SIPA1L2: variants seen among roughly 807,000 people sequenced by gnomAD.
SIPA1L2 encodes signal induced proliferation associated 1 like 2.
In SIPA1L2, 56 loss-of-function variants were observed where a neutral mutation model predicts 163.9. The ratio of observed to expected loss-of-function variants is 0.34; its 90% CI spans 0.28 to 0.43. The LOEUF is 0.43. Among genes scored for constraint, SIPA1L2 ranks in the 20% least tolerant of loss-of-function variants. SIPA1L2 has a pLI of 1.00. For missense variants in SIPA1L2, 1,974 were observed against 2,193.5 expected, an observed-to-expected ratio of 0.90 and a Z score of 2.00; for synonymous variants, 877 against 865.7, an observed-to-expected ratio of 1.01 and a Z score of -0.23.
At chr1:232,585,301 G>T (rs1660598295) in intron 1 of SIPA1L2, among the ~76,000 whole-genome samples, 1 of 152,098 alleles carries the variant, frequency 6.6e-6, no homozygotes, top group Non-Finnish European at 1.5e-5. Context: ...ATACTCTTCT[G>T]GAGGCTTACT....
intron 17 of SIPA1L2, among the ~76,000 whole-genome samples, chr1:232,426,838 C>G (rs1381338298): frequency 1.3e-5 from 2 of 152,106 alleles, no homozygotes; most frequent in African/African-American, 4.8e-5. Context: ...AAAGTTAAAT[C>G]AAATCTGAAT....
At chr1:232,520,959 A>G (rs1200075733) in intron 2 of SIPA1L2, among the ~76,000 whole-genome samples, 1 of 152,248 alleles carries the variant, frequency 6.6e-6, no homozygotes, top group East Asian at 1.9e-4. Flanking sequence ...TACGAAAATC[A>G]AAGCTATAAG....
chr1:232,579,730 T>G (rs1573116536), intron 1 of SIPA1L2, among the ~76,000 whole-genome samples: 1 of 152,212 alleles, frequency 6.6e-6, no homozygotes, highest in East Asian at 1.9e-4. Context: ...GAAAACTTCC[T>G]CTTCACTCTC....
At chr1:232,626,146 T>G (rs1663065699) in intron 1 of SIPA1L2, among the ~76,000 whole-genome samples, 1 of 152,066 alleles carries the variant, frequency 6.6e-6, no homozygotes, top group East Asian at 1.9e-4. Context: ...GCATTGACAA[T>G]AGGTAGTAAC....
rs571526497 is a variant in SIPA1L2 at position 232,425,052 on chromosome 1, G to A, written c.4630+537C>T. Reference sequence around the variant, plus strand: ...CTGTGACTAGTAAGTTGAAATAAGCGGGGACACAAGAGAACACACGTCATC... The same window carrying A: ...CTGTGACTAGTAAGTTGAAATAAGCAGGGACACAAGAGAACACACGTCATC... On this transcript the variant is annotated intron_variant, in intron 18 of 22. Transcript: ENST00000674635. 7.9e-5 allele frequency among the ~76,000 whole-genome samples: 12 copies of A among 152,206 alleles called. 1 individual carries two copies. Among genetic ancestry groups the A allele is most frequent in the South Asian group, 2.1e-4 (1 of 4,824 alleles).
At chr1:232,568,807 G>T (rs1027005195) in intron 2 of SIPA1L2, among the ~76,000 whole-genome samples, 1 of 152,148 alleles carries the variant, frequency 6.6e-6, no homozygotes, top group Non-Finnish European at 1.5e-5. Flanking sequence ...CCACCCAAAC[G>T]TGTGTATTGA....
upstream of SIPA1L2, among the ~76,000 whole-genome samples, chr1:232,630,486 C>A (rs1454259046): frequency 6.6e-6 from 1 of 152,218 alleles, no homozygotes; most frequent in Non-Finnish European, 1.5e-5. Flanking sequence ...GCTTTCGCCC[C>A]TCTGAGGAAT....
At position 232,439,153 on chromosome 1, in the gene SIPA1L2, G is replaced by A. The variant is rs769038541; in HGVS notation, c.3986C>T (p.Ala1329Val). ...ACTGAGATCGCCCATGCTGCCTTCC[G>A]CAGCACTGCCGGCGGAGATGGTGGA... ...YASTISAGSA[A>V]EGSMGDLSEI... The change falls in exon 15 of 23, where the codon GCG becomes GTG. Residue 1329 changes from alanine to valine, a missense_variant. Transcript: ENST00000674635. 38 of 1,612,860 alleles carry A rather than the reference G, an allele frequency of 2.4e-5. No homozygotes were observed. In the East Asian group the frequency reaches 2.9e-4, roughly 12 times the overall value.
intron 17 of SIPA1L2, among the ~76,000 whole-genome samples, chr1:232,427,340 CTAAT>C (rs1337284430): frequency 6.6e-6 from 1 of 152,214 alleles, no homozygotes; most frequent in Non-Finnish European, 1.5e-5. Flanking sequence ...GCAGTAGTGT[CTAAT>C]TAGAGTGTTG....
intron 1 of SIPA1L2, among the ~76,000 whole-genome samples, chr1:232,583,363 G>T (rs1660485914): frequency 6.6e-6 from 1 of 152,130 alleles, no homozygotes; most frequent in Admixed American, 6.6e-5. Context: ...TTACTAGTTT[G>T]CTTTTACCAT....
intron 19 of SIPA1L2, among the ~76,000 whole-genome samples, chr1:232,415,155 T>A (rs993652537): frequency 1.3e-5 from 2 of 152,254 alleles, no homozygotes; most frequent in African/African-American, 4.8e-5. Context: ...TACCTCAGTA[T>A]GCTATGAGGA....
intron 1 of SIPA1L2, among the ~76,000 whole-genome samples, chr1:232,610,842 A>G (rs181962021): frequency 6.6e-6 from 1 of 152,316 alleles, no homozygotes; most frequent in East Asian, 1.9e-4. Flanking sequence ...GTAGGGCTTT[A>G]ACTCACATTT....
At chr1:232,439,555 ACCCTGAC>A in intron 14 of SIPA1L2, 59 bp from the exon 15 acceptor site, 1 of 1,548,316 alleles carries the variant, frequency 6.5e-7, no homozygotes, top group South Asian at 1.2e-5. Context: ...GGTGCTTCTC[ACCCTGAC>A]TCAGGGAGCT....
At chr1:232,491,331 A>G (rs1572977246) in intron 4 of SIPA1L2, among the ~76,000 whole-genome samples, 1 of 152,288 alleles carries the variant, frequency 6.6e-6, no homozygotes, top group East Asian at 1.9e-4. Context: ...AGGCAGAGCA[A>G]TGCTATGAAA....
At chr1:232,442,797 A>G (rs2102865944) in intron 12 of SIPA1L2, among the ~76,000 whole-genome samples, 1 of 152,386 alleles carries the variant, frequency 6.6e-6, no homozygotes, top group South Asian at 2.1e-4. Flanking sequence ...CTTGGCTTAA[A>G]ATGCAATTTA....
rs117678189 is a variant in SIPA1L2, at chr1:232,471,971, G to T, written c.2086-443C>A. Among the ~76,000 whole-genome samples, 58 of 152,262 alleles carry T rather than the reference G, an allele frequency of 3.8e-4. No homozygotes were observed. In the East Asian group the frequency reaches 6.0e-3, roughly 16 times the overall value. On this transcript the variant is annotated intron_variant, in intron 7 of 22. Coordinates refer to ENST00000674635, the MANE Select transcript of SIPA1L2 (RefSeq NM_020808.5). ...CTGTGCTCCCACAGTAAAGTAACGT[G>T]CATTTCTGCAACAAAAATACAGAAC...
At chr1:232,608,762 C>T (rs991344369) in intron 1 of SIPA1L2, among the ~76,000 whole-genome samples, 9 of 151,982 alleles carry the variant, frequency 5.9e-5, no homozygotes, top group African/African-American at 1.2e-4. Context: ...GGCACATGGG[C>T]GAGAAATACA....
chr1:232,587,429 T>C (rs180829487), intron 1 of SIPA1L2, among the ~76,000 whole-genome samples: 4 of 152,304 alleles, frequency 2.6e-5, no homozygotes, highest in Non-Finnish European at 5.9e-5. Context: ...CTTAAAGTCG[T>C]GGTTCTCAAA....
Position 232,403,800 on chromosome 1 carries a change from G to A in SIPA1L2, c.4817-229C>T, listed in dbSNP as rs551234506. Among the ~76,000 whole-genome samples, 5 of 152,310 alleles carry A rather than the reference G, an allele frequency of 3.3e-5. No individual in the cohort carries two copies. In the South Asian group the frequency reaches 1.0e-3, roughly 32 times the overall value. The stretch of plus-strand genomic sequence containing the variant: ...GGCTGTATGGCCTATGCACATCACA[G>A]CCATGGGGACAATTAGCAGACACTG... On this transcript the variant is annotated intron_variant, in intron 20 of 22. Coordinates refer to ENST00000674635, the MANE Select transcript of SIPA1L2 (RefSeq NM_020808.5).
Sources: gnomAD v4.1 joint callset for allele counts (sites outside exome capture counted in the v4.1 genomes callset) on GRCh38, gnomAD v4.1.1 for gene constraint, MANE v1.5 for transcripts, NCBI Gene and HGNC (gene_info 2026-07-23, HGNC 2026-07-21) for gene names.